The following ZNF827 variants were observed in gnomAD, a reference collection of about 807,000 sequenced individuals.
The protein encoded by ZNF827 is zinc finger protein 827.
In ZNF827, 13 loss-of-function variants were observed where a neutral mutation model predicts 102.4. The observed-to-expected ratio is 0.13, with a 90% CI of 0.08 to 0.20. The LOEUF is 0.20. Among genes scored for constraint, ZNF827 ranks in the 10% least tolerant of loss-of-function variants. The pLI is 1.00. For synonymous variants in ZNF827, 523 were observed against 536.2 expected (o/e 0.98, Z 0.34); for missense variants, 1,103 against 1,344.4 (o/e 0.82, Z 2.81).
At chr4:145,849,791 G>A (rs1746349026) in intron 5 of ZNF827, among the ~76,000 whole-genome samples, 1 of 152,104 alleles carries the variant, frequency 6.6e-6, no homozygotes, top group Admixed American at 6.5e-5. Flanking sequence ...AGGCTTGTTC[G>A]AGATCACAGA....
chr4:145,900,588 T>C (rs1300060801), intron 2 of ZNF827, among the ~76,000 whole-genome samples: 1 of 151,950 alleles, frequency 6.6e-6, no homozygotes, highest in Non-Finnish European at 1.5e-5. Context: ...TTTTGTATTT[T>C]TAGTAGAGAC....
rs1560903754 is a variant in ZNF827 at position 145,774,633 on chromosome 4, C to T, written c.2733G>A (p.Gln911=). ...CGTGGAGTGACATGTGGCTGACAAACTGGACATTGAGCTCGGTCTCAAATC... is the reference window on the plus strand; with the variant it reads ...CGTGGAGTGACATGTGGCTGACAAATTGGACATTGAGCTCGGTCTCAAATC... The part of the protein sequence containing the change: ...VCGFETELNV[Q]FVSHMSLHVD... The change falls in exon 11 of 15, where the codon CAG becomes CAA. Residue 911 remains glutamine (Q), a synonymous_variant. Transcript: ENST00000508784. 1 of 1,613,914 alleles carries T rather than the reference C, an allele frequency of 6.2e-7. No homozygotes were observed. Among genetic ancestry groups the T allele is most frequent in the Non-Finnish European group, 8.5e-7 (1 of 1,179,964 alleles).
chr4:145,879,096 G>C (rs989236105), intron 4 of ZNF827, among the ~76,000 whole-genome samples: 2 of 152,104 alleles, frequency 1.3e-5, no homozygotes, highest in Non-Finnish European at 2.9e-5. Flanking sequence ...GCAGACGGAG[G>C]TCAAAAGACA....
chr4:145,821,637 A>AAAGGTTTTGGTG (rs1743155011), intron 8 of ZNF827, among the ~76,000 whole-genome samples: 1 of 152,126 alleles, frequency 6.6e-6, no homozygotes, highest in Non-Finnish European at 1.5e-5. Flanking sequence ...CTACCTAAAG[A>AAAGGTTTTGGTG]AAGGTTTTGG....
chr4:145,805,834 C>T (rs1450390428), intron 8 of ZNF827, among the ~76,000 whole-genome samples: 1 of 152,114 alleles, frequency 6.6e-6, no homozygotes, highest in Non-Finnish European at 1.5e-5. Flanking sequence ...GCTCCCTTTA[C>T]ATGAACTTTC....
intron 5 of ZNF827, among the ~76,000 whole-genome samples, chr4:145,850,072 C>T (rs35665910): frequency 0.19 from 29,117 of 151,134 alleles, 3,903 homozygotes; most frequent in East Asian, 0.64. Context: ...TGCAATGGTG[C>T]GATGTGGGCT....
intron 5 of ZNF827, among the ~76,000 whole-genome samples, chr4:145,851,015 A>G (rs148031654): frequency 6.6e-6 from 1 of 152,328 alleles, no homozygotes; most frequent in African/African-American, 2.4e-5. Flanking sequence ...AGAGGACAAG[A>G]CATAGAAACA....
intron 7 of ZNF827, chr4:145,830,766 T>A (rs1744134248): frequency 6.6e-6 from 1 of 152,222 alleles, no homozygotes; most frequent in Non-Finnish European, 1.5e-5. Context: ...AAAAATAAAA[T>A]GCAAACACTC....
intron 7 of ZNF827, among the ~76,000 whole-genome samples, chr4:145,837,919 G>A (rs556659153): frequency 4.7e-4 from 71 of 151,932 alleles, no homozygotes; most frequent in African/African-American, 1.5e-3. Flanking sequence ...TTCCCACGCC[G>A]CCCCTAATCC....
intron 11 of ZNF827, among the ~76,000 whole-genome samples, chr4:145,772,778 A>T (rs1295690641): frequency 4.6e-5 from 7 of 152,170 alleles, no homozygotes. Context: ...AATGCATTTC[A>T]CTCTTGGGTG....
At chr4:145,882,291 G>A (rs1749733707) in intron 4 of ZNF827, among the ~76,000 whole-genome samples, 2 of 152,150 alleles carry the variant, frequency 1.3e-5, no homozygotes, top group African/African-American at 2.4e-5. Context: ...AGTCTAAACC[G>A]TGGGTGAAAT....
chr4:145,858,457 G>A (rs910941804), intron 5 of ZNF827, among the ~76,000 whole-genome samples: 2 of 151,790 alleles, frequency 1.3e-5, no homozygotes, highest in African/African-American at 2.4e-5. Context: ...GTAACATAGC[G>A]AGATCCAGTC....
At chr4:145,892,000 G>T (rs558585737) in intron 3 of ZNF827, among the ~76,000 whole-genome samples, 1 of 152,194 alleles carries the variant, frequency 6.6e-6, no homozygotes, top group African/African-American at 2.4e-5. Context: ...GGAGAGGACC[G>T]CCCTCCAGTA....
At chr4:145,874,368 T>C (rs1367581634) in intron 4 of ZNF827, among the ~76,000 whole-genome samples, 3 of 152,192 alleles carry the variant, frequency 2.0e-5, no homozygotes, top group African/African-American at 4.8e-5. Context: ...CAGAAGAGCA[T>C]ATGGAAATCA....
chr4:145,921,996 TA>T lies in ZNF827; in HGVS notation c.43+16368del, dbSNP rs140785745. On this transcript the variant is annotated intron_variant, in intron 1 of 14. Transcript: ENST00000508784. ...GTTATTGAAAACATTACTTTTAGTC[TA>T]AACCAACAGATATACAGTATAATGC... 1.9e-3 allele frequency among the ~76,000 whole-genome samples: 295 copies of T among 152,344 alleles called. 3 individuals are homozygous for T. In the East Asian group the frequency reaches 0.042, roughly 22 times the overall value.
chr4:145,852,100 T>C (rs2126670224), intron 5 of ZNF827, among the ~76,000 whole-genome samples: 1 of 152,342 alleles, frequency 6.6e-6, no homozygotes, highest in African/African-American at 2.4e-5. Context: ...TGGGAAGTCA[T>C]TGTAAGGCCT....
chr4:145,807,242 T>C (rs2126350347), intron 8 of ZNF827, among the ~76,000 whole-genome samples: 1 of 152,334 alleles, frequency 6.6e-6, no homozygotes, highest in Middle Eastern at 3.4e-3. Context: ...TGTATAACCA[T>C]AATTATTAAG....
chr4:145,892,236 G>T lies in ZNF827; in HGVS notation c.1266+7C>A, dbSNP rs745476634. The T allele has an allele frequency of 5.6e-6, 9 of 1,603,986 alleles. No individual in the cohort carries two copies. The East Asian group carries it at 2.0e-4, about 36-fold the overall frequency. On this transcript the variant is annotated splice_region_variant and intron_variant, in intron 3 of 14. Transcript: ENST00000508784. ...TCTCCAGGAGGTGCAGTCGGTAGGT[G>T]GCTTACCTTCATGTGGGATTTGAGA...
chr4:145,787,942 A>G (rs1326665601), intron 8 of ZNF827, among the ~76,000 whole-genome samples: 1 of 152,180 alleles, frequency 6.6e-6, no homozygotes, highest in Non-Finnish European at 1.5e-5. Context: ...AAGATCAAGG[A>G]GGAATCTTAA....
Sources: allele counts gnomAD v4.1 joint callset (sites outside exome capture counted in the v4.1 genomes callset), GRCh38; gene constraint gnomAD v4.1.1; transcripts MANE v1.5; gene names NCBI Gene and HGNC (gene_info 2026-07-23, HGNC 2026-07-21).